ZNF804B: variants seen among roughly 807,000 people sequenced by gnomAD.
The protein encoded by ZNF804B is zinc finger 804B.
ZNF804B carries 80 observed loss-of-function variants against 101.4 expected under a neutral mutation model. The ratio of observed to expected loss-of-function variants is 0.79; its 90% CI spans 0.66 to 0.95. ZNF804B has a LOEUF of 0.95. Among genes scored for constraint, ZNF804B ranks in the 40% least tolerant of loss-of-function variants. ZNF804B has a pLI of 0.00. For missense variants in ZNF804B, 1,673 were observed against 1,561.9 expected (o/e 1.07, Z -1.20); for synonymous variants, 622 against 558.8 (o/e 1.11, Z -1.59).
At chr7:88,836,981 TGTTA>T (rs1486155840) in intron 1 of ZNF804B, among the ~76,000 whole-genome samples, 3 of 152,008 alleles carry the variant, frequency 2.0e-5, no homozygotes, top group African/African-American at 7.2e-5. Context: ...AACTATTTTC[TGTTA>T]GTTCTTCTTT....
intron 1 of ZNF804B, among the ~76,000 whole-genome samples, chr7:89,002,895 G>A (rs944074682): frequency 6.6e-6 from 1 of 151,954 alleles, no homozygotes. Context: ...AGTACAATTT[G>A]AGTCTATTGT....
rs574572682 is a variant in ZNF804B, at chr7:89,059,695, A to G, written c.109-158460A>G. On this transcript the variant is annotated intron_variant, in intron 1 of 3. Coordinates refer to ENST00000333190, the MANE Select transcript of ZNF804B (RefSeq NM_181646.5). ...GAAATAAAATATAGTTTAAAGACAT[A>G]TGTATGCATACCAAGTTGACAAGGG... Among the ~76,000 whole-genome samples, 4 of 152,260 alleles carry G rather than the reference A, an allele frequency of 2.6e-5. 2 individuals carry two copies. The highest frequency in any genetic ancestry group is 9.6e-5 in the African/African-American group (4 of 41,570).
intron 1 of ZNF804B, among the ~76,000 whole-genome samples, chr7:89,061,390 A>G (rs1789376498): frequency 6.6e-6 from 1 of 150,746 alleles, no homozygotes; most frequent in African/African-American, 2.4e-5. Context: ...CCCCATGAAA[A>G]TGTGTGTGTG....
At chr7:89,311,082 C>T (rs1167731916) in intron 2 of ZNF804B, among the ~76,000 whole-genome samples, 2 of 151,992 alleles carry the variant, frequency 1.3e-5, no homozygotes. Flanking sequence ...CCCTTAAGAC[C>T]TTGGTCTTGT....
At chr7:88,912,120 A>G (rs1792558077) in intron 1 of ZNF804B, among the ~76,000 whole-genome samples, 1 of 151,998 alleles carries the variant, frequency 6.6e-6, no homozygotes, top group African/African-American at 2.4e-5. Flanking sequence ...AAGTAATTGT[A>G]CTATTTTGCA....
intron 2 of ZNF804B, among the ~76,000 whole-genome samples, chr7:89,269,784 T>C (rs1284742737): frequency 6.6e-6 from 1 of 152,204 alleles, no homozygotes; most frequent in Non-Finnish European, 1.5e-5. Context: ...TATCTCATTG[T>C]GGTTTTGATT....
intron 1 of ZNF804B, among the ~76,000 whole-genome samples, chr7:88,912,108 C>A (rs1385030903): frequency 6.6e-6 from 1 of 151,870 alleles, no homozygotes; most frequent in African/African-American, 2.4e-5. Context: ...AACAATCTTC[C>A]AAAGTAATTG....
intron 1 of ZNF804B, among the ~76,000 whole-genome samples, chr7:88,792,118 A>G (rs1355227771): frequency 1.3e-5 from 2 of 151,808 alleles, no homozygotes; most frequent in South Asian, 2.1e-4. Context: ...CAAAGTGCAC[A>G]TTTTTATGAC....
chr7:89,004,980 G>C (rs2116179948), intron 1 of ZNF804B, among the ~76,000 whole-genome samples: 1 of 151,828 alleles, frequency 6.6e-6, no homozygotes, highest in African/African-American at 2.4e-5. Flanking sequence ...CACTATTATT[G>C]TTTAGGCCTT....
intron 1 of ZNF804B, among the ~76,000 whole-genome samples, chr7:88,795,881 C>G (rs998044553): frequency 6.6e-6 from 1 of 152,236 alleles, no homozygotes; most frequent in South Asian, 2.1e-4. Context: ...ATGGCTTATT[C>G]CTGAATGGTT....
Position 89,273,017 on chromosome 7 carries a change from G to A in ZNF804B, c.250-54327G>A, listed in dbSNP as rs142575960. ...GCTGCAGTTTTAAAAATAAACAGTT[G>A]TTTTTTGTAATCTTCAAAAATGCTT... On this transcript the variant is annotated intron_variant, in intron 2 of 3. Coordinates refer to ENST00000333190, the MANE Select transcript of ZNF804B (RefSeq NM_181646.5). Among the ~76,000 whole-genome samples the A allele has an allele frequency of 2.0e-5, 3 of 152,100 alleles. No individual in the cohort carries two copies. In the East Asian group the frequency reaches 5.8e-4, roughly 29 times the overall value.
intron 1 of ZNF804B, among the ~76,000 whole-genome samples, chr7:88,826,236 G>C (rs1791049122): frequency 6.6e-6 from 1 of 152,084 alleles, no homozygotes; most frequent in African/African-American, 2.4e-5. Flanking sequence ...TTATGTATTT[G>C]ATTAGAGAAA....
At chr7:89,143,710 A>G (rs1025335695) in intron 1 of ZNF804B, among the ~76,000 whole-genome samples, 1 of 151,874 alleles carries the variant, frequency 6.6e-6, no homozygotes, top group Non-Finnish European at 1.5e-5. Flanking sequence ...TCTGATAGGA[A>G]CTCTCTTCAA....
At chr7:89,051,124 AT>A (rs1437989167) in intron 1 of ZNF804B, among the ~76,000 whole-genome samples, 3 of 152,022 alleles carry the variant, frequency 2.0e-5, no homozygotes, top group Non-Finnish European at 4.4e-5. Context: ...AAACCTTCAG[AT>A]TACTTTTTCA....
At chr7:88,875,021 A>G (rs2050643216) in intron 1 of ZNF804B, among the ~76,000 whole-genome samples, 1 of 130,106 alleles carries the variant, frequency 7.7e-6, no homozygotes, top group South Asian at 2.8e-4. Flanking sequence ...AAAACCGCTC[A>G]ACTACATGGA....
intron 1 of ZNF804B, among the ~76,000 whole-genome samples, chr7:89,154,767 A>G (rs1055600975): frequency 6.6e-6 from 1 of 152,098 alleles, no homozygotes; most frequent in African/African-American, 2.4e-5. Context: ...TGTGTACCAA[A>G]CAAATAGTAA....
At chr7:89,258,973 G>A (rs1298931806) in intron 2 of ZNF804B, among the ~76,000 whole-genome samples, 2 of 151,704 alleles carry the variant, frequency 1.3e-5, no homozygotes, top group African/African-American at 2.4e-5. Context: ...CATAATTTCT[G>A]TCTGATTTTT....
At chr7:89,220,161 A>ATGTATATC (rs1491393118) in intron 2 of ZNF804B, among the ~76,000 whole-genome samples, 1 of 72,682 alleles carries the variant, frequency 1.4e-5, no homozygotes, top group African/African-American at 5.4e-5. Flanking sequence ...ATATATATAT[A>ATGTATATC]CGCACATATA....
chr7:89,282,629 T>C (rs1744435652), intron 2 of ZNF804B, among the ~76,000 whole-genome samples: 2 of 152,192 alleles, frequency 1.3e-5, no homozygotes, highest in South Asian at 4.1e-4. Flanking sequence ...TTTGCTGCTG[T>C]GATCAAAATG....
Sources: allele counts gnomAD v4.1 joint callset (sites outside exome capture counted in the v4.1 genomes callset), GRCh38; gene constraint gnomAD v4.1.1; transcripts MANE v1.5; gene names NCBI Gene and HGNC (gene_info 2026-07-23, HGNC 2026-07-21).